PARD3B: variants seen among roughly 807,000 people sequenced by gnomAD.
PARD3B encodes partitioning defective 3 homolog B.
In PARD3B, 103 loss-of-function variants were observed where a neutral mutation model predicts 130.2. That is an observed-to-expected ratio of 0.79 (90% CI 0.67 to 0.93). PARD3B has a LOEUF of 0.93. Ranked by LOEUF, PARD3B falls within the 40% of genes least tolerant of loss-of-function variation. The pLI, the probability that PARD3B is intolerant of heterozygous loss-of-function variation, is 0.00. For missense variants in PARD3B, 1,609 were observed against 1,499.2 expected (o/e 1.07, Z -1.21); for synonymous variants, 583 against 553.2 (o/e 1.05, Z -0.76).
rs1441209572 is a variant in PARD3B at position 204,799,906 on chromosome 2, G to A, written c.222+113624G>A. 6.6e-6 allele frequency among the ~76,000 whole-genome samples: 1 copy of A among 152,198 alleles called. No individual in the cohort carries two copies. The highest frequency in any genetic ancestry group is 1.5e-5 in the Non-Finnish European group (1 of 68,040). ...AATACTTGGTAAGCCTTCCTAAGAA[G>A]GGTGGGTACAAACAAGCCAAGACTG... On this transcript the variant is annotated intron_variant, in intron 2 of 22. Coordinates refer to ENST00000406610, the MANE Select transcript of PARD3B (RefSeq NM_001302769.2). The surrounding 1 kb of genome is among the most constrained non-coding windows in gnomAD (Gnocchi z 4.1).
At chr2:205,431,748 C>A (rs1002398451) in intron 19 of PARD3B, among the ~76,000 whole-genome samples, 1 of 152,128 alleles carries the variant, frequency 6.6e-6, no homozygotes, top group Non-Finnish European at 1.5e-5. Context: ...GGATTACAGA[C>A]GTGAGCCACC....
In PARD3B at chr2:205,291,462, C is replaced by T. The variant is rs2041604735; in HGVS notation, c.2186-9068C>T. Among the ~76,000 whole-genome samples the T allele has an allele frequency of 6.6e-6, 1 of 152,082 alleles. No homozygotes were observed. On this transcript the variant is annotated intron_variant, in intron 16 of 22. Coordinates refer to ENST00000406610, the MANE Select transcript of PARD3B (RefSeq NM_001302769.2). This position sits in a 1 kb window ranked among gnomAD's most constrained non-coding sequence, Gnocchi z 4.6. ...CGGAAACTGGAGAAAAGACCATCCTCGATATAAAGTAGCAAAGAACTTTGC... is the reference window on the plus strand; with the variant it reads ...CGGAAACTGGAGAAAAGACCATCCTTGATATAAAGTAGCAAAGAACTTTGC...
chr2:205,524,199 C>A (rs530643010), intron 21 of PARD3B, among the ~76,000 whole-genome samples: 33 of 151,978 alleles, frequency 2.2e-4, no homozygotes, highest in African/African-American at 7.7e-4. Context: ...TTTTGCCAAG[C>A]CTTTTTTGTG....
chr2:205,410,223 C>T (rs1210037175), intron 19 of PARD3B, among the ~76,000 whole-genome samples: 1 of 152,104 alleles, frequency 6.6e-6, no homozygotes, highest in Non-Finnish European at 1.5e-5. Context: ...TGTCAGCCCT[C>T]AAAAAGTTTC....
chr2:204,784,376 G>A (rs540298958), intron 2 of PARD3B, among the ~76,000 whole-genome samples: 5 of 151,978 alleles, frequency 3.3e-5, no homozygotes, highest in South Asian at 2.1e-4. Context: ...ATTTTTGTTC[G>A]TTTTTGGCTT....
intron 2 of PARD3B, among the ~76,000 whole-genome samples, chr2:204,720,077 G>A (rs2038925175): frequency 6.6e-6 from 1 of 151,994 alleles, no homozygotes; most frequent in South Asian, 2.1e-4. Flanking sequence ...TTTTGTGAAG[G>A]TCTAATGAGA....
In PARD3B at chr2:204,805,290, A is replaced by G. The variant is rs142080324; in HGVS notation, c.222+119008A>G. Among the ~76,000 whole-genome samples the G allele has an allele frequency of 8.0e-3, 1,221 of 152,250 alleles. 9 individuals are homozygous for G. Among genetic ancestry groups the G allele is most frequent in the Admixed American group, 0.011 (171 of 15,284 alleles). ...ATTAGTGACTACTATGAGCAACTCTATACCAGTAAATTGGAAAACTAGAAG... is the reference window on the plus strand; with the variant it reads ...ATTAGTGACTACTATGAGCAACTCTGTACCAGTAAATTGGAAAACTAGAAG... On this transcript the variant is annotated intron_variant, in intron 2 of 22. Coordinates refer to ENST00000406610, the MANE Select transcript of PARD3B (RefSeq NM_001302769.2).
chr2:205,301,355 C>A lies in PARD3B; in HGVS notation c.2393-109C>A. On this transcript the variant is annotated intron_variant, in intron 17 of 22. Coordinates refer to ENST00000406610, the MANE Select transcript of PARD3B (RefSeq NM_001302769.2). The surrounding 1 kb of genome is among the most constrained non-coding windows in gnomAD (Gnocchi z 5.2). ...CACGTAACCACATAGAAGGGTAGAACTACAGAGTGCTGTTATTCATTCTTT... is the reference window on the plus strand; with the variant it reads ...CACGTAACCACATAGAAGGGTAGAAATACAGAGTGCTGTTATTCATTCTTT... 6.6e-7 allele frequency: 1 copy of A among 1,507,494 alleles called. No individual in the cohort carries two copies. The highest frequency in any genetic ancestry group is 8.9e-7 in the Non-Finnish European group (1 of 1,129,082). The allele number at this position is 1,507,494 out of a possible 1,614,324, so 93.4% of individuals were successfully genotyped here.
chr2:204,863,967 T>C (rs1351532323), intron 2 of PARD3B, among the ~76,000 whole-genome samples: 1 of 151,798 alleles, frequency 6.6e-6, no homozygotes, highest in African/African-American at 2.4e-5. Context: ...GGTTTATAAT[T>C]CCAAAAAAAA....
intron 21 of PARD3B, among the ~76,000 whole-genome samples, chr2:205,503,985 T>G (rs1475098287): frequency 6.6e-6 from 1 of 152,218 alleles, no homozygotes; most frequent in East Asian, 1.9e-4. Context: ...TGTCTGTTAT[T>G]GGTGTATAAG....
chr2:205,114,918 GGTT>G (rs1190783852), intron 6 of PARD3B, among the ~76,000 whole-genome samples: 2 of 152,024 alleles, frequency 1.3e-5, no homozygotes, highest in Non-Finnish European at 2.9e-5. Flanking sequence ...GACAAACTGA[GGTT>G]GTTTTTGATA....
intron 20 of PARD3B, among the ~76,000 whole-genome samples, chr2:205,484,965 T>C (rs2049382020): frequency 6.6e-6 from 1 of 152,170 alleles, no homozygotes; most frequent in African/African-American, 2.4e-5. Flanking sequence ...GTGCCTAATT[T>C]TCCTTCTTCT....
chr2:205,355,663 T>A (rs956967211), intron 18 of PARD3B, among the ~76,000 whole-genome samples: 2 of 152,146 alleles, frequency 1.3e-5, no homozygotes, highest in African/African-American at 4.8e-5. Flanking sequence ...TCCAAATAAT[T>A]TGCATATTAT....
In PARD3B at chr2:205,161,404, A is replaced by G. The variant is rs545216906; in HGVS notation, c.1620+2497A>G. On this transcript the variant is annotated intron_variant, in intron 11 of 22. Coordinates refer to ENST00000406610, the MANE Select transcript of PARD3B (RefSeq NM_001302769.2). ...CTGATCTTAAACAGTAAGAGGCATC[A>G]GTCATGAACTTAGCCTTCTTGTGAA... is the stretch of plus-strand genomic sequence containing the variant. Among the ~76,000 whole-genome samples the G allele has an allele frequency of 2.0e-5, 3 of 152,344 alleles. 1 individual carries two copies. Among genetic ancestry groups the G allele is most frequent in the African/African-American group, 7.2e-5 (3 of 41,586 alleles).
At chr2:205,114,902 G>A (rs756810503) in intron 6 of PARD3B, among the ~76,000 whole-genome samples, 2 of 152,004 alleles carry the variant, frequency 1.3e-5, no homozygotes, top group Non-Finnish European at 2.9e-5. Context: ...ATGGGTTATG[G>A]CATAGGACAA....
At chr2:204,913,890 G>A (rs143113812) in intron 2 of PARD3B, among the ~76,000 whole-genome samples, 336 of 152,308 alleles carry the variant, frequency 2.2e-3, no homozygotes, top group Non-Finnish European at 3.6e-3. Context: ...TAGGTGTTTT[G>A]TTTGGTCTAA....
rs2042751378 is a variant in PARD3B, at chr2:205,321,492, CT to C, written c.2630+19792del. ...TCTCTCTCTTTCCCTCTCTCTCTCTCTCCCCCCGCCCATATGAATGTATATG... is the reference window on the plus strand; with the variant it reads ...TCTCTCTCTTTCCCTCTCTCTCTCTCCCCCCCGCCCATATGAATGTATATG... On this transcript the variant is annotated intron_variant, in intron 18 of 22. Transcript: ENST00000406610. The surrounding 1 kb of genome is among the most constrained non-coding windows in gnomAD (Gnocchi z 4.2). Among the ~76,000 whole-genome samples, 1 of 152,100 alleles carries C rather than the reference CT, an allele frequency of 6.6e-6. No individual in the cohort carries two copies. Among genetic ancestry groups the C allele is most frequent in the Non-Finnish European group, 1.5e-5 (1 of 68,020 alleles).
intron 15 of PARD3B, among the ~76,000 whole-genome samples, chr2:205,238,475 G>T (rs904652217): frequency 3.3e-5 from 5 of 151,908 alleles, no homozygotes; most frequent in Non-Finnish European, 7.4e-5. Flanking sequence ...GTTTAAATTT[G>T]TATAATGTAA....
At chr2:204,939,898 A>C (rs1575367009) in intron 2 of PARD3B, among the ~76,000 whole-genome samples, 1 of 152,332 alleles carries the variant, frequency 6.6e-6, no homozygotes, top group East Asian at 1.9e-4. Context: ...CATTGGCCCC[A>C]AATGTACTTA....
Sources: gnomAD v4.1 joint callset for allele counts (sites outside exome capture counted in the v4.1 genomes callset) on GRCh38, gnomAD v4.1.1 for gene constraint, Gnocchi (gnomAD v3.1) non-coding constraint, MANE v1.5 for transcripts, NCBI Gene and HGNC (gene_info 2026-07-23, HGNC 2026-07-21) for gene names.